Variants in MARCHF8 observed in about 807,000 individuals in gnomAD.
MARCHF8 encodes the protein E3 ubiquitin-protein ligase MARCHF8.
In MARCHF8, 40 loss-of-function variants were observed where a neutral mutation model predicts 51.6. The ratio of observed to expected loss-of-function variants is 0.77; its 90% CI spans 0.60 to 1.01. MARCHF8 has a LOEUF of 1.01. Ranked by LOEUF, MARCHF8 falls within the 50% of genes least tolerant of loss-of-function variation. MARCHF8 has a pLI of 0.00. For synonymous variants in MARCHF8, 263 were observed against 280.3 expected (o/e 0.94, Z 0.62); for missense variants, 685 against 708.6 (o/e 0.97, Z 0.38).
intron 3 of MARCHF8, among the ~76,000 whole-genome samples, chr10:45,481,614 TC>T (rs1294200836): frequency 6.6e-6 from 1 of 152,228 alleles, no homozygotes; most frequent in East Asian, 1.9e-4. Context: ...TTCTCATTTC[TC>T]CCTTGTCTGC....
intron 1 of MARCHF8, among the ~76,000 whole-genome samples, chr10:45,574,188 C>T (rs1024930849): frequency 3.9e-5 from 6 of 152,136 alleles, no homozygotes; most frequent in East Asian, 1.9e-4. Context: ...CCACTTAATG[C>T]CAATATCCCA....
chr10:45,464,535 T>C (rs1291403072), intron 3 of MARCHF8, among the ~76,000 whole-genome samples: 4 of 152,206 alleles, frequency 2.6e-5, no homozygotes, highest in Non-Finnish European at 4.4e-5. Flanking sequence ...GTGTAAGAAA[T>C]GTCTAAGGCT....
chr10:45,483,112 T>C (rs1395445918), intron 3 of MARCHF8, among the ~76,000 whole-genome samples: 2 of 152,096 alleles, frequency 1.3e-5, no homozygotes, highest in African/African-American at 4.8e-5. Context: ...CCCCAAAGCA[T>C]AGGCAACAAA....
chr10:45,480,515 C>T (rs1434920699), intron 3 of MARCHF8, among the ~76,000 whole-genome samples: 4 of 152,178 alleles, frequency 2.6e-5, no homozygotes, highest in African/African-American at 9.7e-5. Flanking sequence ...GCCCAGGGCC[C>T]CCTTGCTGTG....
At chr10:45,545,838 T>C (rs959697537) in intron 1 of MARCHF8, among the ~76,000 whole-genome samples, 1 of 152,174 alleles carries the variant, frequency 6.6e-6, no homozygotes, top group Non-Finnish European at 1.5e-5. Context: ...AGGCTCCCCC[T>C]GCCACATCAC....
At chr10:45,530,042 C>T (rs2043851887) in intron 2 of MARCHF8, among the ~76,000 whole-genome samples, 1 of 152,168 alleles carries the variant, frequency 6.6e-6, no homozygotes, top group South Asian at 2.1e-4. Flanking sequence ...AATCTAAGTG[C>T]CCATCAACGG....
At chr10:45,591,875 C>G (rs1363363586) in intron 1 of MARCHF8, among the ~76,000 whole-genome samples, 2 of 152,178 alleles carry the variant, frequency 1.3e-5, no homozygotes, top group Non-Finnish European at 2.9e-5. Flanking sequence ...CTTCCTGATC[C>G]CACCTCTACT....
chr10:45,520,047 A>G lies in MARCHF8; in HGVS notation c.102+13063T>C, dbSNP rs78146594. 5.3e-5 allele frequency among the ~76,000 whole-genome samples: 8 copies of G among 152,310 alleles called. No individual in the cohort carries two copies. In the East Asian group the frequency reaches 1.5e-3, roughly 29 times the overall value. ...ACTACGCACTCAGCAGCAGTGACCCAAGACTCAAATCCCACCTCCATCAGT... is the reference window on the plus strand; with the variant it reads ...ACTACGCACTCAGCAGCAGTGACCCGAGACTCAAATCCCACCTCCATCAGT... On this transcript the variant is annotated intron_variant, in intron 2 of 7. Coordinates refer to ENST00000453424, the MANE Select transcript of MARCHF8 (RefSeq NM_001282866.2).
intron 1 of MARCHF8, among the ~76,000 whole-genome samples, chr10:45,546,443 G>A (rs377037365): frequency 2.1e-4 from 32 of 152,166 alleles, no homozygotes; most frequent in African/African-American, 7.0e-4. Context: ...GATTACAGGC[G>A]TGAGCCACAG....
At chr10:45,577,878 G>C (rs1251539721) in intron 1 of MARCHF8, among the ~76,000 whole-genome samples, 2 of 152,146 alleles carry the variant, frequency 1.3e-5, no homozygotes, top group Non-Finnish European at 2.9e-5. Context: ...AAAAATAGCT[G>C]GGCATGGTGG....
chr10:45,477,922 A>G (rs1166107364), intron 3 of MARCHF8, among the ~76,000 whole-genome samples: 1 of 152,200 alleles, frequency 6.6e-6, no homozygotes, highest in Non-Finnish European at 1.5e-5. Flanking sequence ...TATAAAGCAA[A>G]TATTATTAAA....
intron 3 of MARCHF8, among the ~76,000 whole-genome samples, chr10:45,481,879 T>C (rs915748365): frequency 6.6e-6 from 1 of 152,148 alleles, no homozygotes; most frequent in Admixed American, 6.5e-5. Flanking sequence ...AGTAAGTTAA[T>C]TTGTCCCTTT....
rs1395644774 is a variant in MARCHF8, at chr10:45,572,157, A to G, written c.-79+22078T>C. Among the ~76,000 whole-genome samples the G allele has an allele frequency of 6.7e-5, 9 of 133,588 alleles. No individual in the cohort carries two copies. The East Asian group carries it at 2.0e-3, about 29-fold the overall frequency. The allele number at this position is 133,588 out of a possible 152,430, so 87.6% of individuals were successfully genotyped here. A position where few individuals can be genotyped will look rare whatever the true frequency, so the allele number is the denominator to read the frequency against. ...CCCTTCTCCACTTTCCTGGGGGGCA[A>G]GCACCCCTTACCCCTTCTCTCTGTG... On this transcript the variant is annotated intron_variant, in intron 1 of 6. Coordinates refer to the MARCHF8 transcript ENST00000319836.
At chr10:45,577,496 C>T (rs922115231) in intron 1 of MARCHF8, among the ~76,000 whole-genome samples, 26 of 151,968 alleles carry the variant, frequency 1.7e-4, no homozygotes, top group African/African-American at 6.0e-4. Context: ...TATATATATA[C>T]CTACTATGTG....
chr10:45,516,796 C>A (rs2043626764), intron 2 of MARCHF8, among the ~76,000 whole-genome samples: 1 of 151,918 alleles, frequency 6.6e-6, no homozygotes, highest in Admixed American at 6.6e-5. Flanking sequence ...GCTAAGAGTG[C>A]TCAAAAAAAT....
chr10:45,525,084 T>C (rs1198981818), intron 2 of MARCHF8, among the ~76,000 whole-genome samples: 1 of 152,230 alleles, frequency 6.6e-6, no homozygotes, highest in Non-Finnish European at 1.5e-5. Flanking sequence ...GTGTGGTGAT[T>C]CTGTCTAAAG....
chr10:45,512,254 C>T (rs1328753911), intron 2 of MARCHF8, among the ~76,000 whole-genome samples: 12 of 151,136 alleles, frequency 7.9e-5, no homozygotes, highest in African/African-American at 4.9e-5. Flanking sequence ...GCAGCCGCCC[C>T]GTCTGAGAAG....
rs538916478 is a variant in MARCHF8 at position 45,487,017 on chromosome 10, G to T, written c.153+2350C>A. On this transcript the variant is annotated intron_variant, in intron 3 of 7. Transcript: ENST00000453424. The stretch of plus-strand genomic sequence containing the variant: ...GTAAAGATGGGGTTTCATCATGTTG[G>T]CCAGGCTGGTCTCAAACTCCTGACC... Among the ~76,000 whole-genome samples, 5 of 151,450 alleles carry T rather than the reference G, an allele frequency of 3.3e-5. No homozygotes were observed. The South Asian group carries it at 1.0e-3, about 32-fold the overall frequency.
chr10:45,523,503 G>C (rs755355274), intron 2 of MARCHF8, among the ~76,000 whole-genome samples: 1 of 152,220 alleles, frequency 6.6e-6, no homozygotes, highest in Non-Finnish European at 1.5e-5. Context: ...CAGCCTGTGA[G>C]AGTGAGACCC....
Sources: gnomAD v4.1 joint callset for allele counts (sites outside exome capture counted in the v4.1 genomes callset) on GRCh38, gnomAD v4.1.1 for gene constraint, MANE v1.5 for transcripts, NCBI Gene and HGNC (gene_info 2026-07-23, HGNC 2026-07-21) for gene names.